The following MYO16 variants were observed in gnomAD, a reference collection of about 807,000 sequenced individuals.
MYO16 encodes the protein unconventional myosin-XVI.
MYO16 carries 94 observed loss-of-function variants against 205.3 expected under a neutral mutation model. The observed-to-expected ratio is 0.46, with a 90% confidence interval of 0.39 to 0.54. MYO16 has a LOEUF of 0.54. Ranked by LOEUF, MYO16 falls within the 20% of genes least tolerant of loss-of-function variation. The pLI, the probability that MYO16 is intolerant of heterozygous loss-of-function variation, is 0.00. For synonymous variants in MYO16, 988 were observed against 954.0 expected (o/e 1.04, Z -0.66); for missense variants, 2,315 against 2,387.5 (o/e 0.97, Z 0.63).
chr13:109,188,869 G>A (rs776201029), intron 34 of MYO16, among the ~76,000 whole-genome samples: 7 of 152,086 alleles, frequency 4.6e-5, no homozygotes, highest in Admixed American at 3.3e-4. Flanking sequence ...CGACTTGGGT[G>A]GATCACCTGA....
intron 9 of MYO16, among the ~76,000 whole-genome samples, chr13:108,832,094 T>C (rs576249055): frequency 8.6e-5 from 13 of 151,410 alleles, no homozygotes; most frequent in African/African-American, 3.1e-4. Flanking sequence ...TTAGAAGTTG[T>C]GGAAATGATA....
chr13:108,810,368 A>G (rs2138991666), intron 7 of MYO16, among the ~76,000 whole-genome samples: 1 of 152,306 alleles, frequency 6.6e-6, no homozygotes, highest in Non-Finnish European at 1.5e-5. Context: ...ACACAGAATC[A>G]GGTGCAAAAC....
chr13:109,193,067 T>TTTTGTA (rs1879992178), intron 34 of MYO16, among the ~76,000 whole-genome samples: 1 of 152,104 alleles, frequency 6.6e-6, no homozygotes, highest in Non-Finnish European at 1.5e-5. Flanking sequence ...AAAATAATGA[T>TTTTGTA]CAGTTGGTGC....
chr13:108,698,342 TGAG>T (rs914455724), intron 2 of MYO16, among the ~76,000 whole-genome samples: 36 of 152,320 alleles, frequency 2.4e-4, no homozygotes, highest in African/African-American at 8.7e-4. Context: ...AGAGAATAAA[TGAG>T]ATAAATAAAA....
intron 11 of MYO16, among the ~76,000 whole-genome samples, chr13:108,863,989 C>T (rs1352885928): frequency 6.6e-6 from 1 of 152,122 alleles, no homozygotes; most frequent in Admixed American, 6.5e-5. Flanking sequence ...CCATCTTCAT[C>T]TGTTTTTACA....
upstream of MYO16, among the ~76,000 whole-genome samples, chr13:108,627,149 A>C (rs1266789689): frequency 6.6e-6 from 1 of 151,850 alleles, no homozygotes; most frequent in East Asian, 1.9e-4. Flanking sequence ...TATTTTCCTC[A>C]GTATTAATGC....
chr13:108,846,426 T>C (rs1395062108), intron 10 of MYO16, among the ~76,000 whole-genome samples: 1 of 151,998 alleles, frequency 6.6e-6, no homozygotes, highest in Non-Finnish European at 1.5e-5. Context: ...TATAAACCCA[T>C]TACTGCTCAC....
intron 16 of MYO16, among the ~76,000 whole-genome samples, chr13:108,915,150 G>A (rs1881438995): frequency 6.6e-6 from 1 of 152,194 alleles, no homozygotes; most frequent in Non-Finnish European, 1.5e-5. Flanking sequence ...GAATATAAGT[G>A]ATACAGATAT....
chr13:109,052,500 G>C (rs769315226), intron 25 of MYO16, 25 bp downstream of exon 25: 2 of 1,502,504 alleles, frequency 1.3e-6, no homozygotes, highest in Non-Finnish European at 9.0e-7. Context: ...GATTATTGTT[G>C]GATTATTTTT....
chr13:109,086,799 A>G (rs935676829), intron 27 of MYO16, among the ~76,000 whole-genome samples: 3 of 152,188 alleles, frequency 2.0e-5, no homozygotes, highest in African/African-American at 7.2e-5. Context: ...ATATTACTCA[A>G]AGGCAACAGA....
chr13:108,926,522 G>T (rs1594401621), intron 16 of MYO16, among the ~76,000 whole-genome samples: 2 of 152,120 alleles, frequency 1.3e-5, no homozygotes, highest in South Asian at 2.1e-4. Flanking sequence ...CAGGAGAAGT[G>T]AAAAGCAGGG....
Position 108,937,340 on chromosome 13 carries a change from C to A in MYO16, c.1926-20348C>A, listed in dbSNP as rs555212453. Among the ~76,000 whole-genome samples the A allele has an allele frequency of 3.3e-5, 5 of 151,690 alleles. No homozygotes were observed. The East Asian group carries it at 9.7e-4, about 29-fold the overall frequency. On this transcript the variant is annotated intron_variant, in intron 16 of 34. Transcript: ENST00000457511. Reference sequence around the variant, plus strand: ...TTTTGGTTAGTCTGGTAACTATATACCTCGGTGTTGTTCATTTTATATAAT... The same window carrying A: ...TTTTGGTTAGTCTGGTAACTATATAACTCGGTGTTGTTCATTTTATATAAT...
intron 32 of MYO16, among the ~76,000 whole-genome samples, chr13:109,149,721 TCTC>T (rs1463927875): frequency 2.6e-5 from 4 of 152,200 alleles, no homozygotes; most frequent in Non-Finnish European, 4.4e-5. Context: ...CCCCCTGCCT[TCTC>T]CTCCTCTTTT....
At chr13:108,569,913 G>T in the MYO16 span, among the ~76,000 whole-genome samples, 1 of 152,182 alleles carries the variant, frequency 6.6e-6, no homozygotes, top group Admixed American at 6.5e-5. Context: ...TGGTATGTTT[G>T]ATTTTCATAA....
intron 34 of MYO16, among the ~76,000 whole-genome samples, chr13:109,182,756 G>A (rs1034076107): frequency 2.0e-5 from 3 of 152,082 alleles, no homozygotes; most frequent in African/African-American, 7.2e-5. Context: ...ATATACGGTG[G>A]TTGTTTATGT....
intron 1 of MYO16, among the ~76,000 whole-genome samples, chr13:108,659,095 A>G (rs1343094130): frequency 6.7e-6 from 1 of 149,038 alleles, no homozygotes; most frequent in East Asian, 2.0e-4. Context: ...TCTTCACTTT[A>G]CTCTTTATAT....
chr13:108,826,276 T>C lies in MYO16; in HGVS notation c.1097+2998T>C, dbSNP rs370488851. Among the ~76,000 whole-genome samples, 203 of 152,248 alleles carry C rather than the reference T, an allele frequency of 1.3e-3. 1 individual carries two copies. Among genetic ancestry groups the C allele is most frequent in the African/African-American group, 4.7e-3 (197 of 41,578 alleles). The stretch of plus-strand genomic sequence containing the variant: ...ATCCAAAAAGAACCCCTTACATTTC[T>C]GGTTAACTGATTTTTGCAAAGAATG... On this transcript the variant is annotated intron_variant, in intron 9 of 34. Coordinates refer to ENST00000457511, the MANE Select transcript of MYO16 (RefSeq NM_001198950.3).
the MYO16 span, among the ~76,000 whole-genome samples, chr13:108,563,782 G>A: frequency 6.6e-6 from 1 of 152,140 alleles, no homozygotes; most frequent in Admixed American, 6.5e-5. Flanking sequence ...TGGCTATTAT[G>A]AGCAGTGCTA....
At position 109,094,598 on chromosome 13, in the gene MYO16, C is replaced by T. The variant is rs572381537; in HGVS notation, c.3336-6187C>T. 7.2e-5 allele frequency among the ~76,000 whole-genome samples: 11 copies of T among 152,316 alleles called. No homozygotes were observed. In the South Asian group the frequency reaches 2.3e-3, roughly 32 times the overall value. On this transcript the variant is annotated intron_variant, in intron 27 of 34. Coordinates refer to ENST00000457511, the MANE Select transcript of MYO16 (RefSeq NM_001198950.3). The stretch of plus-strand genomic sequence containing the variant: ...CGTACAGGTTTGTTACGTAGGTATA[C>T]ACATGCCATGGTTGTTTGTTGCACC...
Sources: gnomAD v4.1 joint callset for allele counts (sites outside exome capture counted in the v4.1 genomes callset) on GRCh38, gnomAD v4.1.1 for gene constraint, MANE v1.5 for transcripts, NCBI Gene and HGNC (gene_info 2026-07-23, HGNC 2026-07-21) for gene names.